The following VCL variants were observed in gnomAD, a reference collection of about 807,000 sequenced individuals.
VCL encodes the protein vinculin.
A neutral mutation model predicts 125.7 loss-of-function variants in VCL; 47 were observed. That is an observed-to-expected ratio of 0.37 (90% CI 0.30 to 0.48). VCL has a LOEUF of 0.48. VCL is among the 20% of genes least tolerant of loss of function. The probability of loss-of-function intolerance (pLI) is 0.99; values close to 1 mark genes in which losing one functional copy is unlikely to be tolerated. For missense variants in VCL, 1,069 were observed against 1,455.5 expected (o/e 0.73, Z 4.32); for synonymous variants, 458 against 514.6 (o/e 0.89, Z 1.49).
rs1055067108 is a variant in VCL, at chr10:74,119,907, A to G, written c.*1738A>G. On this transcript the variant is annotated 3_prime_UTR_variant, in exon 22 of 22. Coordinates refer to ENST00000211998, the MANE Select transcript of VCL (RefSeq NM_014000.3). ...TTACTTAGAGGAAATAAGAAAAATC[A>G]TGTTTGCTCTCCCGGTTCTTCCAGT... The G allele has an allele frequency of 3.9e-5, 6 of 152,160 alleles. No individual in the cohort carries two copies. The highest frequency in any genetic ancestry group is 1.5e-4 in the African/African-American group (6 of 41,280). The allele number at this position is 152,160 out of a possible 1,614,324, so 9.4% of individuals were successfully genotyped here.
chr10:74,098,595 C>T (rs1017663674), intron 13 of VCL, among the ~76,000 whole-genome samples: 5 of 152,178 alleles, frequency 3.3e-5, no homozygotes, highest in African/African-American at 1.2e-4. Flanking sequence ...CTCATGGCCA[C>T]CCTAGCTGCA....
Position 74,101,014 on chromosome 10 carries a change from G to C in VCL, c.1939G>C (p.Ala647Pro). Residue 647 changes from alanine (A) to proline (P), a missense_variant, in exon 14 of 22, where the codon GCG becomes CCG. Ala to Pro is a conservative substitution (Grantham distance 27). Transcript: ENST00000211998. ...SGKLGATAEK[A>P]AAVGTANKST... ...AAAGCTTGGTGCTACGGCCGAGAAG[G>C]CGGCTGCGGTTGGTACTGCTAATAA... 1 of 1,614,046 alleles carries C rather than the reference G, an allele frequency of 6.2e-7. No homozygotes were observed.
chr10:74,053,733 C>T (rs1841347418), intron 2 of VCL, among the ~76,000 whole-genome samples: 2 of 152,034 alleles, frequency 1.3e-5, no homozygotes, highest in Admixed American at 1.3e-4. Context: ...GCCTCAGCCT[C>T]CCAAGTGGCT....
At chr10:74,047,198 G>T (rs1229145377) in intron 2 of VCL, among the ~76,000 whole-genome samples, 1 of 152,142 alleles carries the variant, frequency 6.6e-6, no homozygotes, top group Admixed American at 6.5e-5. Context: ...TTGGGAGGCC[G>T]AGGTGGGAGG....
intron 8 of VCL, among the ~76,000 whole-genome samples, chr10:74,085,717 A>G (rs1839759700): frequency 6.6e-6 from 1 of 152,190 alleles, no homozygotes; most frequent in South Asian, 2.1e-4. Flanking sequence ...GACACTCATG[A>G]AACATCATGA....
intron 8 of VCL, among the ~76,000 whole-genome samples, chr10:74,088,304 T>C (rs139769705): frequency 6.7e-4 from 102 of 152,294 alleles, no homozygotes; most frequent in African/African-American, 2.1e-3. Flanking sequence ...TGAACTCATA[T>C]CATTTTTAGT....
At chr10:74,107,187 G>C (rs1449851752) in intron 16 of VCL, 43 bp from the exon 17 acceptor site, 1 of 1,613,716 alleles carries the variant, frequency 6.2e-7, no homozygotes, top group African/African-American at 1.3e-5. Flanking sequence ...GTGCTTTGGG[G>C]CACTGACCCA....
At position 74,068,512 on chromosome 10, in the gene VCL, A is replaced by G. The variant is rs569903418; in HGVS notation, c.240-2158A>G. 1.5e-4 allele frequency among the ~76,000 whole-genome samples: 23 copies of G among 152,190 alleles called. 1 individual carries two copies. The highest frequency in any genetic ancestry group is 2.4e-4 in the Non-Finnish European group (16 of 68,000). Reference sequence around the variant, plus strand: ...GCTAATTTTTGTACTTTTGGTAGAGATAGAGTTTCACCATGTTGGCCAGGC... The same window carrying G: ...GCTAATTTTTGTACTTTTGGTAGAGGTAGAGTTTCACCATGTTGGCCAGGC... On this transcript the variant is annotated intron_variant, in intron 2 of 21. Coordinates refer to ENST00000211998, the MANE Select transcript of VCL (RefSeq NM_014000.3).
intron 6 of VCL, chr10:74,077,779 G>A (rs918623212): frequency 8.8e-6 from 4 of 452,856 alleles, no homozygotes; most frequent in South Asian, 1.6e-5. Flanking sequence ...GTAAAAGTGC[G>A]TCTTGCCGAA....
chr10:74,105,299 A>G lies in VCL; in HGVS notation c.2380A>G (p.Ile794Val). The change falls in exon 16 of 22, where the codon ATC becomes GTC. Residue 794 changes from isoleucine (I) to valine (V), a missense_variant. Physicochemically the swap from Ile to Val is conservative, Grantham distance 29 (BLOSUM62 3). This residue lies in a region of VCL where 760 missense variants were observed against 928.9 expected (regional missense o/e 0.82). Transcript: ENST00000211998. ...KAASDELSKT[I>V]SPMVMDAKAV... ...TGCCTCTGATGAATTGAGCAAAACC[A>G]TCTCCCCGATGGTGATGGATGCAAA... 2 of 1,613,364 alleles carry G rather than the reference A, an allele frequency of 1.2e-6. No homozygotes were observed. Among genetic ancestry groups the G allele is most frequent in the Non-Finnish European group, 1.7e-6 (2 of 1,180,030 alleles).
rs3037359 is a variant in VCL, at chr10:74,114,408, CGTGT to C, written c.3153+47_3153+50del. The C allele has an allele frequency of 3.2e-3, 4,642 of 1,429,462 alleles. 3 individuals are homozygous for C. Among genetic ancestry groups the C allele is most frequent in the East Asian group, 0.019 (761 of 39,794 alleles). 88.5% of individuals were successfully genotyped at this position (1,429,462 alleles called of 1,614,324 possible). ...TACAGGTACTCGGGGAAAGAGGCTG[CGTGT>C]GTGTGTGTGTGTGTGTGTGTGTGTG... On this transcript the variant is annotated intron_variant, in intron 20 of 21. Transcript: ENST00000211998.
chr10:74,026,189 G>A (rs1037816290), intron 1 of VCL, among the ~76,000 whole-genome samples: 1 of 152,204 alleles, frequency 6.6e-6, no homozygotes, highest in Non-Finnish European at 1.5e-5. Context: ...TGGCCCCCAG[G>A]TAGCCTTTTC....
At chr10:74,072,119 A>G (rs551994550) in intron 4 of VCL, among the ~76,000 whole-genome samples, 1 of 152,238 alleles carries the variant, frequency 6.6e-6, no homozygotes, top group South Asian at 2.1e-4. Flanking sequence ...CCTTTGAATA[A>G]CAACCAACAT....
chr10:74,097,252 G>C lies in VCL; in HGVS notation c.1792G>C (p.Val598Leu), dbSNP rs397517235. Residue 598 changes from valine to leucine, a missense_variant, in exon 13 of 22, where the codon GTT (valine) becomes CTT (leucine). By Grantham distance (32) the Val-to-Leu change is conservative (BLOSUM62 1). This residue lies in a region of VCL where 760 missense variants were observed against 928.9 expected (regional missense o/e 0.82). Transcript: ENST00000211998. The surrounding 1 kb of genome is among the most constrained non-coding windows in gnomAD (Gnocchi z 4.1). ...GGCCATGACTCAGGAAGTGTCAGAT[G>C]TTTTCAGCGATACCACAACTCCCAT... Reference protein sequence around the residue: ...QEAMTQEVSDVFSDTTTPIKL... With the variant: ...QEAMTQEVSDLFSDTTTPIKL... The C allele has an allele frequency of 6.2e-7, 1 of 1,614,160 alleles. No homozygotes were observed. Among genetic ancestry groups the C allele is most frequent in the Non-Finnish European group, 8.5e-7 (1 of 1,180,000 alleles).
rs1416075714 is a variant in VCL, at chr10:74,119,697, C to T, written c.*1528C>T. 2.0e-5 allele frequency: 3 copies of T among 152,412 alleles called. No homozygotes were observed. The highest frequency in any genetic ancestry group is 6.5e-5 in the Admixed American group (1 of 15,278). 9.4% of individuals were successfully genotyped at this position (152,412 alleles called of 1,614,324 possible). ...ATCGCTGTGTGTTAGTTCCCAACAT[C>T]GAATGTGTACAACTTAAGTTGGTCC... On this transcript the variant is annotated 3_prime_UTR_variant, in exon 22 of 22. Coordinates refer to ENST00000211998, the MANE Select transcript of VCL (RefSeq NM_014000.3).
chr10:74,002,753 G>A (rs1276914357), intron 1 of VCL, among the ~76,000 whole-genome samples: 7 of 151,212 alleles, frequency 4.6e-5, no homozygotes, highest in African/African-American at 1.2e-4. Context: ...ATGGTGGCAC[G>A]CGCCTGTAGT....
intron 2 of VCL, among the ~76,000 whole-genome samples, chr10:74,058,285 C>T (rs1036134864): frequency 2.0e-5 from 3 of 152,110 alleles, no homozygotes; most frequent in Admixed American, 6.5e-5. Flanking sequence ...TCCCATCTCC[C>T]AAGTGTCGTC....
intron 10 of VCL, among the ~76,000 whole-genome samples, chr10:74,090,846 G>A (rs943448625): frequency 7.3e-5 from 11 of 150,802 alleles, no homozygotes; most frequent in Non-Finnish European, 1.0e-4. Context: ...TACCACCCAC[G>A]CTGGAGTGCA....
At chr10:74,009,416 G>A (rs1349595845) in intron 1 of VCL, among the ~76,000 whole-genome samples, 2 of 149,498 alleles carry the variant, frequency 1.3e-5, no homozygotes, top group African/African-American at 2.5e-5. Flanking sequence ...CTGCCACCAC[G>A]CCCGGCTAAT....
Sources: gnomAD v4.1 joint callset for allele counts (sites outside exome capture counted in the v4.1 genomes callset) on GRCh38, gnomAD v4.1.1 for gene constraint, gnomAD v4.1.1 regional missense constraint, Gnocchi (gnomAD v3.1) non-coding constraint, MANE v1.5 for transcripts, NCBI Gene and HGNC (gene_info 2026-07-23, HGNC 2026-07-21) for gene names.